FLG: variants seen among roughly 807,000 people sequenced by gnomAD.
FLG encodes the protein epidermal filaggrin.
A neutral mutation model predicts 3.8 loss-of-function variants in FLG; 6 were observed. The observed-to-expected ratio is 1.60, with a 90% CI of 0.87 to 3.15. FLG has a LOEUF of 3.15. Among genes scored for constraint, FLG ranks in the 30% most tolerant of loss-of-function variants. The probability of loss-of-function intolerance (pLI) is 0.00; values close to 1 mark genes in which losing one functional copy is unlikely to be tolerated. For missense variants in FLG, 7,595 were observed against 5,050.9 expected, an observed-to-expected ratio of 1.50 and a Z score of -15.27; for synonymous variants, 2,551 against 1,931.6, an observed-to-expected ratio of 1.32 and a Z score of -8.41.
chr1:152,311,851 G>A lies in FLG; in HGVS notation c.3035C>T (p.Thr1012Ile), dbSNP rs1294946620. The A allele has an allele frequency of 1.2e-6, 2 of 1,613,846 alleles. No individual in the cohort carries two copies. The highest frequency in any genetic ancestry group is 1.3e-5 in the African/African-American group (1 of 74,764). Residue 1012 changes from threonine (T) to isoleucine (I), a missense_variant, in exon 3 of 3, where the codon ACT (threonine) becomes ATT (isoleucine). By Grantham distance (89) the Thr-to-Ile change is moderately conservative. Coordinates refer to ENST00000368799, the MANE Select transcript of FLG (RefSeq NM_002016.2). ...TGACGCAGCCTGTCCACCAGAGGAAGTCTCTGCGTGAGGAGTTCCTGATTG... is the reference window on the plus strand; with the variant it reads ...TGACGCAGCCTGTCCACCAGAGGAAATCTCTGCGTGAGGAGTTCCTGATTG... ...SRQSGTPHAE[T>I]SSGGQAASSH...
At position 152,302,891 on chromosome 1, in the gene FLG, C is replaced by T; in HGVS notation, c.11995G>A (p.Val3999Ile). 1.2e-6 allele frequency: 2 copies of T among 1,614,198 alleles called. No individual in the cohort carries two copies. Among genetic ancestry groups the T allele is most frequent in the Admixed American group, 1.7e-5 (1 of 60,024 alleles). Residue 3999 changes from valine (V) to isoleucine (I), a missense_variant, in exon 3 of 3, where the codon GTT becomes ATT. Physicochemically the swap from Val to Ile is conservative, Grantham distance 29 (BLOSUM62 3). Transcript: ENST00000368799. The stretch of plus-strand genomic sequence containing the variant: ...ACAACAGGATTGGAATTGTAACTAA[C>T]ACTTCCGTGCTGAGAGTGTCTAAAC... ...SGFRHSQHGS[V>I]SYNSNPVVFK...
At position 152,304,553 on chromosome 1, in the gene FLG, T is replaced by A; in HGVS notation, c.10333A>T (p.Arg3445Trp). The A allele has an allele frequency of 6.2e-7, 1 of 1,609,734 alleles. No homozygotes were observed. The highest frequency in any genetic ancestry group is 8.5e-7 in the Non-Finnish European group (1 of 1,177,676). The part of the protein sequence containing the change: ...RGHPGSSRRG[R>W]QGSHYEQSVD... The stretch of plus-strand genomic sequence containing the variant: ...GATTGCTCGTAGTGGGATCCCTGCC[T>A]TCCTCTTCTGCTTGACCCCGGGTGT... The change falls in exon 3 of 3, where the codon AGG becomes TGG. Residue 3445 changes from arginine (R) to tryptophan (W), a missense_variant. Transcript: ENST00000368799.
Position 152,308,932 on chromosome 1 carries a change from G to T in FLG, c.5954C>A (p.Ser1985Tyr). The T allele has an allele frequency of 6.2e-7, 1 of 1,614,184 alleles. No homozygotes were observed. Among genetic ancestry groups the T allele is most frequent in the Non-Finnish European group, 8.5e-7 (1 of 1,179,998 alleles). Reference protein sequence around the residue: ...RQSGTRHTESSSRGQAASSHE... With the variant: ...RQSGTRHTESYSRGQAASSHE... ...GGATGACGCAGCCTGTCCACGAGAG[G>T]AAGACTCTGTGTGACGAGTGCCTGA... The change falls in exon 3 of 3, where the codon TCC (serine) becomes TAC (tyrosine). Residue 1985 changes from serine (S) to tyrosine (Y), a missense_variant. Physicochemically the swap from Ser to Tyr is moderately radical, Grantham distance 144. Transcript: ENST00000368799.
Position 152,302,705 on chromosome 1 carries a change from C to T in FLG, c.12181G>A (p.Glu4061Lys), listed in dbSNP as rs769442034. ...ATTCCTTTGCCATTAATTTCTTACT[C>T]ATAGTAATAGTATCTCTGTGACTGA... The part of the protein sequence containing the change: ...FSQSQRYYYY[E>K] Residue 4061 changes from glutamate to lysine, a missense_variant, in exon 3 of 3, where the codon GAG becomes AAG. Glu to Lys is a moderately conservative substitution (Grantham distance 56). Coordinates refer to ENST00000368799, the MANE Select transcript of FLG (RefSeq NM_002016.2). 6.2e-7 allele frequency: 1 copy of T among 1,613,208 alleles called. No individual in the cohort carries two copies. Among genetic ancestry groups the T allele is most frequent in the Non-Finnish European group, 8.5e-7 (1 of 1,179,406 alleles).
chr1:152,308,750 C>T lies in FLG; in HGVS notation c.6136G>A (p.Asp2046Asn), dbSNP rs1388580123. The change falls in exon 3 of 3, where the codon GAC (aspartate) becomes AAC (asparagine). Residue 2046 changes from aspartate (D) to asparagine (N), a missense_variant. By Grantham distance (23) the Asp-to-Asn change is conservative. Coordinates refer to ENST00000368799, the MANE Select transcript of FLG (RefSeq NM_002016.2). ...HRGYSGSQAS[D>N]SEGHSEDSDT... ...GAGTCTTCTGAATGTCCCTCACTGTCACTGGCCTGACTACCACTGTACCCT... is the reference window on the plus strand; with the variant it reads ...GAGTCTTCTGAATGTCCCTCACTGTTACTGGCCTGACTACCACTGTACCCT... 3.1e-6 allele frequency: 5 copies of T among 1,614,022 alleles called. No individual in the cohort carries two copies. In the African/African-American group the frequency reaches 4.0e-5, roughly 13 times the overall value.
Position 152,314,214 on chromosome 1 carries a change from A to T in FLG, c.672T>A (p.Thr224=). 1 of 1,613,706 alleles carries T rather than the reference A, an allele frequency of 6.2e-7. No individual in the cohort carries two copies. The highest frequency in any genetic ancestry group is 8.5e-7 in the Non-Finnish European group (1 of 1,179,950). ...TATGGCCTGATTGTATCCATTTTTG[A>T]GTCATTCTTCCTGTATTTTCATAAT... ...VYDYENTGRM[T]QKWIQSGHIA... is the part of the protein sequence containing the mutation. The change falls in exon 3 of 3, where the codon ACT becomes ACA. Residue 224 remains threonine (T), a synonymous_variant. Coordinates refer to ENST00000368799, the MANE Select transcript of FLG (RefSeq NM_002016.2).
Position 152,308,010 on chromosome 1 carries a change from A to C in FLG, c.6876T>G (p.His2292Gln), listed in dbSNP as rs371465149. The C allele has an allele frequency of 6.2e-7, 1 of 1,602,648 alleles. No individual in the cohort carries two copies. The highest frequency in any genetic ancestry group is 1.7e-5 in the Admixed American group (1 of 59,544). The change falls in exon 3 of 3, where the codon CAT becomes CAG. Residue 2292 changes from histidine (H) to glutamine (Q), a missense_variant. By Grantham distance (24) the His-to-Gln change is conservative. Coordinates refer to ENST00000368799, the MANE Select transcript of FLG (RefSeq NM_002016.2). ...GTCTGGAGCTCTCTGCAGAGTGCCC[A>C]TGACCGGCTCTGTCTTCGTGATGGG... Reference protein sequence around the residue: ...PRSHHEDRAGHGHSAESSRQS... With the variant: ...PRSHHEDRAGQGHSAESSRQS...
rs751970988 is a variant in FLG at position 152,304,623 on chromosome 1, G to A, written c.10263C>T (p.Ser3421=). 1 of 1,613,040 alleles carries A rather than the reference G, an allele frequency of 6.2e-7. No individual in the cohort carries two copies. Among genetic ancestry groups the A allele is most frequent in the East Asian group, 2.2e-5 (1 of 44,638 alleles). ...CCTCTTGGGACGCTGAGTGCCTGGA[G>A]CTGTCTCGTGCCTGCTCGTGGTGGG... is the stretch of plus-strand genomic sequence containing the variant. ...QGSHHEQARD[S]SRHSASQEGQ... Residue 3421 remains serine, a synonymous_variant, in exon 3 of 3, where the codon AGC becomes AGT. Transcript: ENST00000368799.
rs750092166 is a variant in FLG, at chr1:152,307,233, C to G, written c.7653G>C (p.Gln2551His). 6.2e-7 allele frequency: 1 copy of G among 1,612,872 alleles called. No homozygotes were observed. The highest frequency in any genetic ancestry group is 1.1e-5 in the South Asian group (1 of 91,076). The change falls in exon 3 of 3, where the codon CAG becomes CAC. Residue 2551 changes from glutamine (Q) to histidine (H), a missense_variant. Physicochemically the swap from Gln to His is conservative, Grantham distance 24. Coordinates refer to ENST00000368799, the MANE Select transcript of FLG (RefSeq NM_002016.2). ...TTGTCCTGGGCCCCTCTGATTGTCC[C>G]TGGCCCACCTGCGAGTGTCCAGAGC... ...ADSSGHSQVGQGQSEGPRTSR... is the reference protein window; with the variant it reads ...ADSSGHSQVGHGQSEGPRTSR...
chr1:152,305,344 C>A lies in FLG; in HGVS notation c.9542G>T (p.Arg3181Leu). The A allele has an allele frequency of 6.2e-7, 1 of 1,605,738 alleles. No homozygotes were observed. Among genetic ancestry groups the A allele is most frequent in the Non-Finnish European group, 8.5e-7 (1 of 1,177,186 alleles). ...SGDSSRHSVS[R>L]HHEASTHADI... ...GGCATGAGTGGAAGCTTCATGGTGA[C>A]GTGACACTGAGTGCCTGGAGCTGTC... The change falls in exon 3 of 3, where the codon CGT becomes CTT. Residue 3181 changes from arginine to leucine, a missense_variant. Arg to Leu is a moderately radical substitution (Grantham distance 102). Transcript: ENST00000368799.
In FLG at chr1:152,309,169, G is replaced by A. The variant is rs141784184; in HGVS notation, c.5717C>T (p.Ser1906Leu). The change falls in exon 3 of 3, where the codon TCA (serine) becomes TTA (leucine). Residue 1906 changes from serine to leucine, a missense_variant. Ser to Leu is a moderately radical substitution (Grantham distance 145). Coordinates refer to ENST00000368799, the MANE Select transcript of FLG (RefSeq NM_002016.2). ...CTGGTTCCTGCTTGTCCTGGGCCCTGATGATTGTCCCTGGCCCACCTGCGA... is the reference window on the plus strand; with the variant it reads ...CTGGTTCCTGCTTGTCCTGGGCCCTAATGATTGTCCCTGGCCCACCTGCGA... ...RHSQVGQGQS[S>L]GPRTSRNQGS... 3 of 1,613,336 alleles carry A rather than the reference G, an allele frequency of 1.9e-6. No individual in the cohort carries two copies. The highest frequency in any genetic ancestry group is 2.7e-5 in the African/African-American group (2 of 74,832).
At chr1:152,324,030 TGACTG>T (rs1169989320) in intron 1 of FLG, among the ~76,000 whole-genome samples, 1 of 151,798 alleles carries the variant, frequency 6.6e-6, no homozygotes, top group Admixed American at 6.6e-5. Flanking sequence ...TAGGCAGAGT[TGACTG>T]GACGTGGTGA....
rs1652359123 is a variant in FLG at position 152,310,840 on chromosome 1, G to C, written c.4046C>G (p.Ala1349Gly). The change falls in exon 3 of 3, where the codon GCA becomes GGA. Residue 1349 changes from alanine (A) to glycine (G), a missense_variant. Physicochemically the swap from Ala to Gly is moderately conservative, Grantham distance 60. Coordinates refer to ENST00000368799, the MANE Select transcript of FLG (RefSeq NM_002016.2). ...ATGTCTTTCTCCTGGACTTGATCTT[G>C]CCTGTTCATGGGATGACACAGCCTG... ...HGQAVSSHEQ[A>G]RSSPGERHGS... is the part of the protein sequence containing the mutation. 3 of 1,611,684 alleles carry C rather than the reference G, an allele frequency of 1.9e-6. No individual in the cohort carries two copies. Among genetic ancestry groups the C allele is most frequent in the Non-Finnish European group, 2.5e-6 (3 of 1,179,030 alleles).
chr1:152,309,710 A>T lies in FLG; in HGVS notation c.5176T>A (p.Ser1726Thr), dbSNP rs1171536995. The T allele has an allele frequency of 1.9e-6, 3 of 1,613,574 alleles. No homozygotes were observed. Among genetic ancestry groups the T allele is most frequent in the African/African-American group, 1.3e-5 (1 of 74,766 alleles). Reference protein sequence around the residue: ...GSQASDSEGHSEESDTQSVSA... With the variant: ...GSQASDSEGHTEESDTQSVSA... ...ACTGACTGTGTGTCTGACTCTTCTG[A>T]GTGTCCCTCGCTGTCACTGGCCTGG... Residue 1726 changes from serine (S) to threonine (T), a missense_variant, in exon 3 of 3, where the codon TCA becomes ACA. Transcript: ENST00000368799.
intron 2 of FLG, chr1:152,315,015 T>C (rs1437986999): frequency 9.1e-6 from 4 of 438,478 alleles, no homozygotes; most frequent in Non-Finnish European, 1.6e-5. Context: ...CATTACTTAG[T>C]TGTCTTTAAC....
In FLG at chr1:152,302,288, C is replaced by A. The variant is rs1190082451; in HGVS notation, c.*412G>T. On this transcript the variant is annotated 3_prime_UTR_variant, in exon 3 of 3. Transcript: ENST00000368799. The stretch of plus-strand genomic sequence containing the variant: ...TAGAAGGATAATAGAGAAAGATGTG[C>A]TAGCCCTGATGTTGATATAGCCACT... 2 of 203,934 alleles carry A rather than the reference C, an allele frequency of 9.8e-6. No individual in the cohort carries two copies. The highest frequency in any genetic ancestry group is 1.1e-4 in the Admixed American group (2 of 18,866). 12.6% of individuals were successfully genotyped at this position (203,934 alleles called of 1,614,324 possible).
At chr1:152,315,190 T>C (rs1342749661) in intron 2 of FLG, 129 bp downstream of exon 2, 1 of 934,894 alleles carries the variant, frequency 1.1e-6, no homozygotes, top group East Asian at 2.4e-5. Flanking sequence ...AATCTATCTC[T>C]TTTGAGACAA....
Position 152,310,632 on chromosome 1 carries a change from G to T in FLG, c.4254C>A (p.Pro1418=). The change falls in exon 3 of 3, where the codon CCC becomes CCA. Residue 1418 remains proline (P), a synonymous_variant. Coordinates refer to ENST00000368799, the MANE Select transcript of FLG (RefSeq NM_002016.2). Reference sequence around the variant, plus strand: ...CGGACTCTTTGTGGCTCTGCTGATGGGGCCCAGCTTGTCCGTGGGCTGACA... The same window carrying T: ...CGGACTCTTTGTGGCTCTGCTGATGTGGCCCAGCTTGTCCGTGGGCTGACA... The part of the protein sequence containing the change: ...QSVSAHGQAG[P]HQQSHKESAR... 1 of 1,613,964 alleles carries T rather than the reference G, an allele frequency of 6.2e-7. No individual in the cohort carries two copies. The highest frequency in any genetic ancestry group is 8.5e-7 in the Non-Finnish European group (1 of 1,179,990).
Sources: gnomAD v4.1 joint callset for allele counts (sites outside exome capture counted in the v4.1 genomes callset) on GRCh38, gnomAD v4.1.1 for gene constraint, MANE v1.5 for transcripts, NCBI Gene and HGNC (gene_info 2026-07-23, HGNC 2026-07-21) for gene names.